PARD3B: variants seen among roughly 807,000 people sequenced by gnomAD.
The protein encoded by PARD3B is partitioning defective 3 homolog B.
In PARD3B, 103 loss-of-function variants were observed where a neutral mutation model predicts 130.2. The ratio of observed to expected loss-of-function variants is 0.79; its 90% CI spans 0.67 to 0.93. PARD3B has a LOEUF of 0.93. Among genes scored for constraint, PARD3B ranks in the 40% least tolerant of loss-of-function variants. The pLI, the probability that PARD3B is intolerant of heterozygous loss-of-function variation, is 0.00. For synonymous variants in PARD3B, 583 were observed against 553.2 expected (o/e 1.05, Z -0.76); for missense variants, 1,609 against 1,499.2 (o/e 1.07, Z -1.21).
intron 1 of PARD3B, among the ~76,000 whole-genome samples, chr2:204,573,693 C>G (rs552934016): frequency 1.3e-5 from 2 of 152,266 alleles, no homozygotes; most frequent in South Asian, 2.1e-4. Context: ...CCCCGATGCC[C>G]TTGGGTACTA....
At chr2:204,874,538 A>G (rs2045760594) in intron 2 of PARD3B, among the ~76,000 whole-genome samples, 1 of 152,212 alleles carries the variant, frequency 6.6e-6, no homozygotes, top group South Asian at 2.1e-4. Context: ...GATATCCAGT[A>G]CATATGGATA....
At chr2:205,114,753 CTTTT>C (rs5837954) in intron 6 of PARD3B, among the ~76,000 whole-genome samples, 1 of 144,488 alleles carries the variant, frequency 6.9e-6, no homozygotes. Context: ...AAGTCATCAC[CTTTT>C]TTTTTTTTTT....
intron 3 of PARD3B, among the ~76,000 whole-genome samples, chr2:204,989,694 T>C (rs901684421): frequency 6.6e-6 from 1 of 152,160 alleles, no homozygotes; most frequent in Non-Finnish European, 1.5e-5. Flanking sequence ...ATTTTGAGCT[T>C]TATAAATGGA....
chr2:205,527,739 A>T (rs1208023323), intron 21 of PARD3B, among the ~76,000 whole-genome samples: 1 of 152,170 alleles, frequency 6.6e-6, no homozygotes, highest in Non-Finnish European at 1.5e-5. Flanking sequence ...CATAGAGAGT[A>T]CATACCTGAT....
At chr2:205,310,260 A>AT (rs1415561137) in intron 18 of PARD3B, among the ~76,000 whole-genome samples, 1 of 150,782 alleles carries the variant, frequency 6.6e-6, no homozygotes, top group Non-Finnish European at 1.5e-5. Context: ...AATTTTTTGT[A>AT]TTTTTTTTAA....
chr2:204,900,439 A>G (rs1439352679), intron 2 of PARD3B, among the ~76,000 whole-genome samples: 2 of 151,700 alleles, frequency 1.3e-5, no homozygotes, highest in Non-Finnish European at 1.5e-5. Flanking sequence ...GCATTTTTCT[A>G]CTCCACAATT....
At chr2:204,829,808 G>A (rs995858821) in intron 2 of PARD3B, among the ~76,000 whole-genome samples, 1 of 152,000 alleles carries the variant, frequency 6.6e-6, no homozygotes, top group African/African-American at 2.4e-5. Flanking sequence ...GACCATCCTG[G>A]CTAACACGGT....
intron 2 of PARD3B, among the ~76,000 whole-genome samples, chr2:204,830,215 T>C (rs1443485686): frequency 6.6e-6 from 1 of 152,082 alleles, no homozygotes; most frequent in African/African-American, 2.4e-5. Flanking sequence ...TAGTTCTTTA[T>C]AGCAATGTGA....
chr2:205,050,045 A>G (rs1699082464), intron 4 of PARD3B, among the ~76,000 whole-genome samples: 1 of 152,200 alleles, frequency 6.6e-6, no homozygotes, highest in African/African-American at 2.4e-5. Flanking sequence ...TGCCTTATGT[A>G]TCTTTATCTA....
intron 2 of PARD3B, among the ~76,000 whole-genome samples, chr2:204,881,880 C>G (rs1032501669): frequency 1.3e-5 from 2 of 152,126 alleles, no homozygotes; most frequent in African/African-American, 4.8e-5. Flanking sequence ...TTTGCACTGT[C>G]CCTGAATCGT....
chr2:204,716,620 C>T, intron 2 of PARD3B, among the ~76,000 whole-genome samples: 1 of 102,448 alleles, frequency 9.8e-6, no homozygotes, highest in East Asian at 3.5e-4. Flanking sequence ...AAAACAGCAA[C>T]TGCTTTTTTT....
chr2:205,342,657 G>A (rs961937749), intron 18 of PARD3B, among the ~76,000 whole-genome samples: 25 of 152,090 alleles, frequency 1.6e-4, no homozygotes, highest in Admixed American at 1.4e-3. Context: ...AGTGTTTTAT[G>A]TTGTGATTTC....
chr2:205,369,290 G>T (rs534408016), intron 18 of PARD3B, among the ~76,000 whole-genome samples: 1 of 152,134 alleles, frequency 6.6e-6, no homozygotes, highest in Non-Finnish European at 1.5e-5. Context: ...GCTCTCCAGC[G>T]TCTAGTCACC....
intron 15 of PARD3B, among the ~76,000 whole-genome samples, chr2:205,227,866 T>A (rs1018459325): frequency 5.3e-5 from 8 of 152,148 alleles, no homozygotes; most frequent in Non-Finnish European, 7.4e-5. Context: ...TGTTTTTGAT[T>A]TGAGGTTACC....
chr2:204,811,362 A>G (rs1443591928), intron 2 of PARD3B, among the ~76,000 whole-genome samples: 4 of 152,142 alleles, frequency 2.6e-5, no homozygotes, highest in Non-Finnish European at 5.9e-5. Flanking sequence ...TTTCTTATGT[A>G]TATACTTTAT....
chr2:205,015,897 A>G lies in PARD3B; in HGVS notation c.395-31684A>G, dbSNP rs1455012056. Among the ~76,000 whole-genome samples the G allele has an allele frequency of 6.6e-5, 10 of 152,206 alleles. No homozygotes were observed. Among genetic ancestry groups the G allele is most frequent in the South Asian group, 2.1e-4 (1 of 4,810 alleles). On this transcript the variant is annotated intron_variant, in intron 3 of 22. Transcript: ENST00000406610. The surrounding 1 kb of genome is among the most constrained non-coding windows in gnomAD (Gnocchi z 4.5). Reference sequence around the variant, plus strand: ...GTAAGCTTGCTTGCTGATGTCTGAAACCTGCAGCCTTGCCTGCCTACCTAG... The same window carrying G: ...GTAAGCTTGCTTGCTGATGTCTGAAGCCTGCAGCCTTGCCTGCCTACCTAG...
In PARD3B at chr2:204,837,751, C is replaced by T. The variant is rs369429344; in HGVS notation, c.223-127401C>T. Among the ~76,000 whole-genome samples, 35 of 152,238 alleles carry T rather than the reference C, an allele frequency of 2.3e-4. No homozygotes were observed. The East Asian group carries it at 3.3e-3, about 14-fold the overall frequency. On this transcript the variant is annotated intron_variant, in intron 2 of 22. Transcript: ENST00000406610. Reference sequence around the variant, plus strand: ...CCTAGTTGGGCAGCTCTAATCATTTCGAATTTTCACCTGATTTCCGCCTCT... The same window carrying T: ...CCTAGTTGGGCAGCTCTAATCATTTTGAATTTTCACCTGATTTCCGCCTCT...
At chr2:204,693,942 C>T (rs755736889) in intron 2 of PARD3B, among the ~76,000 whole-genome samples, 2 of 152,052 alleles carry the variant, frequency 1.3e-5, no homozygotes, top group Admixed American at 1.3e-4. Context: ...TGCAGCAGTG[C>T]CTGGCATTTC....
chr2:205,175,938 C>T (rs1365784771), intron 12 of PARD3B, among the ~76,000 whole-genome samples: 4 of 152,128 alleles, frequency 2.6e-5, no homozygotes, highest in Non-Finnish European at 4.4e-5. Context: ...GGCGTCACAG[C>T]GGTTTGATTT....
Sources: gnomAD v4.1 joint callset for allele counts (sites outside exome capture counted in the v4.1 genomes callset) on GRCh38, gnomAD v4.1.1 for gene constraint, Gnocchi (gnomAD v3.1) non-coding constraint, MANE v1.5 for transcripts, NCBI Gene and HGNC (gene_info 2026-07-23, HGNC 2026-07-21) for gene names.